The following KPNA1 variants were observed in gnomAD, a reference collection of about 807,000 sequenced individuals.
The protein encoded by KPNA1 is importin subunit alpha-5.
KPNA1 carries 10 observed loss-of-function variants against 70.5 expected under a neutral mutation model. That is an observed-to-expected ratio of 0.14 (90% CI 0.09 to 0.24). The LOEUF (loss-of-function observed/expected upper bound fraction) is 0.24, where lower values mean the gene tolerates loss of function less well. Ranked by LOEUF, KPNA1 falls within the 10% of genes least tolerant of loss-of-function variation. KPNA1 has a pLI of 1.00. For synonymous variants in KPNA1, 192 were observed against 221.9 expected (o/e 0.87, Z 1.20); for missense variants, 397 against 637.9 (o/e 0.62, Z 4.07).
At chr3:122,478,637 GCTTGAA>G (rs1364221983) in intron 2 of KPNA1, among the ~76,000 whole-genome samples, 1 of 151,464 alleles carries the variant, frequency 6.6e-6, no homozygotes, top group Non-Finnish European at 1.5e-5. Flanking sequence ...CAGGAGAATT[GCTTGAA>G]CTGGGACCCA....
chr3:122,428,303 G>A (rs776710183), intron 12 of KPNA1, among the ~76,000 whole-genome samples: 2 of 152,176 alleles, frequency 1.3e-5, no homozygotes, highest in Non-Finnish European at 2.9e-5. Flanking sequence ...AAATAGTCAT[G>A]TCATTTTTTA....
At chr3:122,432,651 C>T (rs1418481021) in intron 12 of KPNA1, 1 of 152,134 alleles carries the variant, frequency 6.6e-6, no homozygotes, top group African/African-American at 2.4e-5. Flanking sequence ...CTAGGCTAGG[C>T]TCCATTTTTC....
At chr3:122,477,622 G>A (rs1006838997) in intron 2 of KPNA1, among the ~76,000 whole-genome samples, 9 of 151,900 alleles carry the variant, frequency 5.9e-5, no homozygotes, top group East Asian at 1.9e-4. Flanking sequence ...TCCAGGCTAC[G>A]GTGACCCACA....
rs369657175 is a variant in KPNA1 at position 122,437,135 on chromosome 3, A to T, written c.1122+35T>A. Reference sequence around the variant, plus strand: ...GAAAAAAACCTTACTTTTCAATAAAAATACTGAAAGAGAAGTTAGGTCCTA... The same window carrying T: ...GAAAAAAACCTTACTTTTCAATAAATATACTGAAAGAGAAGTTAGGTCCTA... On this transcript the variant is annotated intron_variant, in intron 11 of 13. Coordinates refer to ENST00000344337, the MANE Select transcript of KPNA1 (RefSeq NM_002264.4). The T allele has an allele frequency of 2.0e-5, 31 of 1,589,494 alleles. No individual in the cohort carries two copies. In the African/African-American group the frequency reaches 3.8e-4, roughly 20 times the overall value.
In KPNA1 at chr3:122,491,987, G is replaced by A. The variant is rs958413050; in HGVS notation, c.129+4450C>T. On this transcript the variant is annotated intron_variant, in intron 2 of 13. Transcript: ENST00000344337. ...CGCCATTCTCCTGCCTCAGCCTCCC[G>A]TGTAGCTGGGACTACAGGCGCGCGC... Among the ~76,000 whole-genome samples the A allele has an allele frequency of 1.2e-4, 17 of 147,024 alleles. 1 individual carries two copies. The highest frequency in any genetic ancestry group is 2.2e-4 in the South Asian group (1 of 4,598).
rs963124851 is a variant in KPNA1, at chr3:122,425,790, A to G, written c.*1195T>C. ...GATTAGGAAACAATGAGGTTATAAG[A>G]TCACTGTTCTTATTTGGGTTAAGCA... is the stretch of plus-strand genomic sequence containing the variant. On this transcript the variant is annotated 3_prime_UTR_variant, in exon 14 of 14. Coordinates refer to ENST00000344337, the MANE Select transcript of KPNA1 (RefSeq NM_002264.4). The G allele has an allele frequency of 1.2e-4, 19 of 152,614 alleles. No individual in the cohort carries two copies. Among genetic ancestry groups the G allele is most frequent in the Non-Finnish European group, 1.8e-4 (12 of 68,044 alleles). The allele number at this position is 152,614 out of a possible 1,614,324, so 9.5% of individuals were successfully genotyped here. A position where few individuals can be genotyped will look rare whatever the true frequency, so the allele number is the denominator to read the frequency against.
At chr3:122,512,936 A>C (rs1466071438) in intron 1 of KPNA1, among the ~76,000 whole-genome samples, 1 of 152,218 alleles carries the variant, frequency 6.6e-6, no homozygotes, top group Non-Finnish European at 1.5e-5. Flanking sequence ...AATAACTGAC[A>C]AAATGTTATG....
chr3:122,461,392 T>C, intron 4 of KPNA1, 74 bp from the exon 5 acceptor site: 1 of 874,622 alleles, frequency 1.1e-6, no homozygotes, highest in Non-Finnish European at 1.9e-6. Flanking sequence ...TCAAAACTTC[T>C]TAACATCCCT....
intron 2 of KPNA1, among the ~76,000 whole-genome samples, chr3:122,473,262 A>C (rs1203754003): frequency 6.6e-6 from 1 of 152,194 alleles, no homozygotes; most frequent in Non-Finnish European, 1.5e-5. Context: ...AAACACCAGG[A>C]CTAGATGGGT....
At chr3:122,494,464 ACT>A (rs1306087656) in intron 2 of KPNA1, among the ~76,000 whole-genome samples, 3 of 151,836 alleles carry the variant, frequency 2.0e-5, no homozygotes, top group African/African-American at 7.3e-5. Flanking sequence ...TTATTTCTGG[ACT>A]CTCTATTCCA....
chr3:122,450,034 A>T (rs1281590412), intron 8 of KPNA1, among the ~76,000 whole-genome samples: 1 of 152,228 alleles, frequency 6.6e-6, no homozygotes. Context: ...CTAAACAGGT[A>T]AAGGAACTTT....
At chr3:122,486,615 T>C (rs962978337) in intron 2 of KPNA1, among the ~76,000 whole-genome samples, 2 of 151,428 alleles carry the variant, frequency 1.3e-5, no homozygotes, top group Non-Finnish European at 2.9e-5. Flanking sequence ...TGAGACGGAG[T>C]CTCGCTCTGT....
intron 2 of KPNA1, among the ~76,000 whole-genome samples, chr3:122,482,056 A>C (rs192750258): frequency 4.6e-5 from 7 of 152,102 alleles, no homozygotes; most frequent in Admixed American, 6.5e-5. Context: ...ACACACATGC[A>C]TCACTTAACA....
intron 2 of KPNA1, among the ~76,000 whole-genome samples, chr3:122,472,950 G>C (rs2076458918): frequency 6.6e-6 from 1 of 151,862 alleles, no homozygotes; most frequent in African/African-American, 2.4e-5. Flanking sequence ...GTGTGGTGGC[G>C]GGCGCCTGTA....
At chr3:122,479,708 C>A (rs575229127) in intron 2 of KPNA1, among the ~76,000 whole-genome samples, 2 of 152,140 alleles carry the variant, frequency 1.3e-5, no homozygotes, top group South Asian at 4.2e-4. Context: ...TGCAGTGAAC[C>A]GAAATCATGC....
At chr3:122,502,268 G>A (rs922559452) in intron 1 of KPNA1, among the ~76,000 whole-genome samples, 8 of 152,146 alleles carry the variant, frequency 5.3e-5, no homozygotes, top group East Asian at 1.9e-4. Flanking sequence ...GAATTGTGCC[G>A]TCCCCTCAAA....
intron 2 of KPNA1, among the ~76,000 whole-genome samples, chr3:122,485,597 A>T (rs948242705): frequency 6.6e-5 from 10 of 152,362 alleles, no homozygotes; most frequent in African/African-American, 2.4e-4. Flanking sequence ...CAAAAGACAT[A>T]TCTAGAAGAC....
chr3:122,496,167 T>C (rs531644351), intron 2 of KPNA1, among the ~76,000 whole-genome samples: 5 of 152,272 alleles, frequency 3.3e-5, no homozygotes, highest in South Asian at 2.1e-4. Flanking sequence ...AAAACTAAAA[T>C]ACACTAAACA....
intron 1 of KPNA1, among the ~76,000 whole-genome samples, chr3:122,500,191 G>A (rs7612081): frequency 1.1e-4 from 16 of 151,364 alleles, no homozygotes; most frequent in African/African-American, 3.6e-4. Flanking sequence ...GCGTAATCTC[G>A]GCTCACTGCA....
Sources: gnomAD v4.1 joint callset for allele counts (sites outside exome capture counted in the v4.1 genomes callset) on GRCh38, gnomAD v4.1.1 for gene constraint, MANE v1.5 for transcripts, NCBI Gene and HGNC (gene_info 2026-07-23, HGNC 2026-07-21) for gene names.